SETD3: variants seen among roughly 807,000 people sequenced by gnomAD.
The protein encoded by SETD3 is actin-histidine N-methyltransferase.
Under a neutral mutation model 63.0 loss-of-function variants are expected in SETD3, and 19 were observed. The ratio of observed to expected loss-of-function variants is 0.30; its 90% CI spans 0.21 to 0.44. The LOEUF (loss-of-function observed/expected upper bound fraction) is 0.44, where lower values mean the gene tolerates loss of function less well. Among genes scored for constraint, SETD3 ranks in the 20% least tolerant of loss-of-function variants. The pLI is 1.00. For synonymous variants in SETD3, 286 were observed against 264.1 expected, an observed-to-expected ratio of 1.08 and a Z score of -0.80; for missense variants, 587 against 728.5, an observed-to-expected ratio of 0.81 and a Z score of 2.24.
At position 99,413,819 on chromosome 14, in the gene SETD3, C is replaced by A. The variant is rs144968793; in HGVS notation, c.734+57G>T. 75 of 1,532,802 alleles carry A rather than the reference C, an allele frequency of 4.9e-5. 1 individual carries two copies. The East Asian group carries it at 1.4e-3, about 29-fold the overall frequency. The allele number at this position is 1,532,802 out of a possible 1,614,324, so 95.0% of individuals were successfully genotyped here. A position where few individuals can be genotyped will look rare whatever the true frequency, so the allele number is the denominator to read the frequency against. ...GAAGCCCTTCCCTCCCTTCCAGGAT[C>A]CCACTTCACTTAGAAACCACCCTCA... is the stretch of plus-strand genomic sequence containing the variant. On this transcript the variant is annotated intron_variant, in intron 7 of 12. Transcript: ENST00000331768.
chr14:99,423,489 A>T (rs1357877652), intron 6 of SETD3, among the ~76,000 whole-genome samples: 2 of 150,646 alleles, frequency 1.3e-5, no homozygotes, highest in African/African-American at 4.9e-5. Flanking sequence ...TATTAAGCAA[A>T]ACTATTTCAT....
chr14:99,473,059 A>G (rs1164300524), intron 1 of SETD3, among the ~76,000 whole-genome samples: 1 of 152,218 alleles, frequency 6.6e-6, no homozygotes, highest in Non-Finnish European at 1.5e-5. Context: ...ACCACATACC[A>G]CTTACAAGTC....
At chr14:99,477,410 T>C (rs1286020130) in intron 1 of SETD3, among the ~76,000 whole-genome samples, 1 of 152,184 alleles carries the variant, frequency 6.6e-6, no homozygotes, top group Non-Finnish European at 1.5e-5. Flanking sequence ...GACTTCTTAA[T>C]CTTGCAGATG....
In SETD3 at chr14:99,398,797, T is replaced by C; in HGVS notation, c.1667A>G (p.Glu556Gly). The C allele has an allele frequency of 1.2e-6, 2 of 1,614,250 alleles. No individual in the cohort carries two copies. Among genetic ancestry groups the C allele is most frequent in the African/African-American group, 2.7e-5 (2 of 75,068 alleles). ...KATENGLVNG[E>G]NSIPNGTRSE... ...CCTGGTCCCATTAGGGATAGAGTTTTCACCGTTTACAAGCCCGTTTTCTGT... is the reference window on the plus strand; with the variant it reads ...CCTGGTCCCATTAGGGATAGAGTTTCCACCGTTTACAAGCCCGTTTTCTGT... Residue 556 changes from glutamate (E) to glycine (G), a missense_variant, in exon 13 of 13, where the codon GAA (glutamate) becomes GGA (glycine). Transcript: ENST00000331768.
upstream of SETD3, chr14:99,481,300 T>G (rs768448699): frequency 2.5e-6 from 1 of 395,798 alleles, no homozygotes; most frequent in Middle Eastern, 6.4e-4. Context: ...GGCTCGTTCC[T>G]CTTTTGAGAG....
chr14:99,400,366 A>G (rs984706419), intron 11 of SETD3, 107 bp from the exon 12 acceptor site: 11 of 1,250,530 alleles, frequency 8.8e-6, no homozygotes, highest in Non-Finnish European at 1.2e-5. Flanking sequence ...CCATTTTCCC[A>G]CGGTAAAAGC....
chr14:99,413,819 C>T (rs144968793), intron 7 of SETD3, 57 bp downstream of exon 7: 4 of 1,532,686 alleles, frequency 2.6e-6, no homozygotes, highest in South Asian at 2.2e-5. Flanking sequence ...CTTCCAGGAT[C>T]CCACTTCACT....
intron 6 of SETD3, among the ~76,000 whole-genome samples, chr14:99,426,666 A>G (rs1339330805): frequency 6.6e-6 from 1 of 152,224 alleles, no homozygotes; most frequent in Non-Finnish European, 1.5e-5. Context: ...AGGTTGGAAG[A>G]AAAGTAAGAG....
chr14:99,425,284 G>A (rs1244525041), intron 6 of SETD3, among the ~76,000 whole-genome samples: 2 of 152,168 alleles, frequency 1.3e-5, no homozygotes, highest in African/African-American at 4.8e-5. Flanking sequence ...GAGGAACTCC[G>A]CCATCCACGT....
At position 99,405,320 on chromosome 14, in the gene SETD3, C is replaced by T; in HGVS notation, c.976G>A (p.Gly326Ser). 1.9e-6 allele frequency: 3 copies of T among 1,613,974 alleles called. No homozygotes were observed. The highest frequency in any genetic ancestry group is 2.5e-6 in the Non-Finnish European group (3 of 1,179,972). Residue 326 changes from glycine (G) to serine (S), a missense_variant, in exon 10 of 13, where the codon GGT (glycine) becomes AGT (serine). Physicochemically the swap from Gly to Ser is moderately conservative, Grantham distance 56 (BLOSUM62 0). Coordinates refer to ENST00000331768, the MANE Select transcript of SETD3 (RefSeq NM_032233.3). ...RSNAEFVIHSGFFFDNNSHDR... is the reference protein window; with the variant it reads ...RSNAEFVIHSSFFFDNNSHDR... ...TGTGAGTTATTGTCAAAGAAAAAACCACTGTGGATCACAAACTCTGCGTTG... is the reference window on the plus strand; with the variant it reads ...TGTGAGTTATTGTCAAAGAAAAAACTACTGTGGATCACAAACTCTGCGTTG...
In SETD3 at chr14:99,400,239, G is replaced by C; in HGVS notation, c.1198C>G (p.Leu400Val). 1 of 1,612,050 alleles carries C rather than the reference G, an allele frequency of 6.2e-7. No homozygotes were observed. The highest frequency in any genetic ancestry group is 8.5e-7 in the Non-Finnish European group (1 of 1,179,394). The change falls in exon 12 of 13, where the codon CTG (leucine) becomes GTG (valine). Residue 400 changes from leucine to valine, a missense_variant. Transcript: ENST00000331768. The part of the protein sequence containing the change: ...MTEEELKEHL[L>V]GDSAIDRIFT... ...ATTCTATCAATAGCGCTGTCTCCCA[G>C]CAAGTGTTCTTTCAGTTCTTCTACA... is the stretch of plus-strand genomic sequence containing the variant.
intron 8 of SETD3, among the ~76,000 whole-genome samples, chr14:99,411,080 A>G (rs1321704795): frequency 6.6e-6 from 1 of 152,254 alleles, no homozygotes; most frequent in Admixed American, 6.5e-5. Context: ...ATTCTACTCC[A>G]GTAAATTTCC....
chr14:99,445,221 C>T (rs547979012), intron 6 of SETD3, among the ~76,000 whole-genome samples: 1 of 152,306 alleles, frequency 6.6e-6, no homozygotes, highest in East Asian at 1.9e-4. Flanking sequence ...ATCAATGGTA[C>T]CTTATAAACT....
intron 8 of SETD3, among the ~76,000 whole-genome samples, chr14:99,408,316 T>C (rs1289655150): frequency 6.6e-6 from 1 of 152,206 alleles, no homozygotes; most frequent in African/African-American, 2.4e-5. Context: ...TTCTAGAACA[T>C]TTCACTCGCA....
intron 11 of SETD3, among the ~76,000 whole-genome samples, chr14:99,402,993 C>T (rs1037678778): frequency 1.3e-5 from 2 of 152,320 alleles, no homozygotes; most frequent in Admixed American, 6.5e-5. Flanking sequence ...CCCCTTAACT[C>T]GTGTTCATTA....
chr14:99,481,709 C>G (rs1290073145), upstream of SETD3: 1 of 383,394 alleles, frequency 2.6e-6, no homozygotes, highest in Non-Finnish European at 4.6e-6. Flanking sequence ...CCGGACTCAC[C>G]CTAGAACTGG....
intron 1 of SETD3, among the ~76,000 whole-genome samples, chr14:99,471,326 A>T (rs1043558506): frequency 1.3e-5 from 2 of 152,242 alleles, no homozygotes; most frequent in Non-Finnish European, 2.9e-5. Flanking sequence ...AAAATGAAAC[A>T]TTTACTGAAT....
chr14:99,427,907 C>A (rs1315338463), intron 6 of SETD3, among the ~76,000 whole-genome samples: 1 of 152,114 alleles, frequency 6.6e-6, no homozygotes, highest in East Asian at 1.9e-4. Context: ...AGGTGGCATG[C>A]GAGTTAAGTC....
At position 99,452,170 on chromosome 14, in the gene SETD3, G is replaced by A. The variant is rs140590271; in HGVS notation, c.675+6109C>T. On this transcript the variant is annotated intron_variant, in intron 6 of 12. Transcript: ENST00000331768. ...CGCCCAGGCTAGAGTGCAGTGGCACGATCTCGGCTCACTGCAACCTCTGCC... is the reference window on the plus strand; with the variant it reads ...CGCCCAGGCTAGAGTGCAGTGGCACAATCTCGGCTCACTGCAACCTCTGCC... Among the ~76,000 whole-genome samples, 1,280 of 152,182 alleles carry A rather than the reference G, an allele frequency of 8.4e-3. 15 individuals are homozygous for A. Among genetic ancestry groups the A allele is most frequent in the African/African-American group, 0.029 (1,198 of 41,514 alleles).
Sources: allele counts gnomAD v4.1 joint callset (sites outside exome capture counted in the v4.1 genomes callset), GRCh38; gene constraint gnomAD v4.1.1; transcripts MANE v1.5; gene names NCBI Gene and HGNC (gene_info 2026-07-23, HGNC 2026-07-21).